The following EMSY variants were observed in gnomAD, a reference collection of about 807,000 sequenced individuals.
EMSY encodes BRCA2-interacting transcriptional repressor EMSY.
Under a neutral mutation model 134.6 loss-of-function variants are expected in EMSY, and 26 were observed. The ratio of observed to expected loss-of-function variants is 0.19; its 90% CI spans 0.14 to 0.27. The LOEUF is 0.27. Among genes scored for constraint, EMSY ranks in the 10% least tolerant of loss-of-function variants. EMSY has a pLI of 1.00. For missense variants in EMSY, 1,305 were observed against 1,611.4 expected (o/e 0.81, Z 3.26); for synonymous variants, 579 against 577.8 (o/e 1.00, Z -0.03).
chr11:76,467,610 A>G (rs963677560), intron 7 of EMSY, among the ~76,000 whole-genome samples: 1 of 152,208 alleles, frequency 6.6e-6, no homozygotes, highest in African/African-American at 2.4e-5. Flanking sequence ...TATTTGTTGA[A>G]TGAGTAAATT....
At chr11:76,487,858 A>C (rs1949252833) in intron 8 of EMSY, among the ~76,000 whole-genome samples, 1 of 152,224 alleles carries the variant, frequency 6.6e-6, no homozygotes, top group Non-Finnish European at 1.5e-5. Flanking sequence ...GATCCCAAAG[A>C]TTTTGGATAA....
rs114773268 is a variant in EMSY, at chr11:76,534,560, A to T, written c.2195-1335A>T. Among the ~76,000 whole-genome samples, 1,150 of 152,238 alleles carry T rather than the reference A, an allele frequency of 7.6e-3. 17 individuals are homozygous for T. Among genetic ancestry groups the T allele is most frequent in the African/African-American group, 0.026 (1,081 of 41,542 alleles). ...TTCAGGAAGGCTGTTTTGTTGGAAG[A>T]GTTGTTCCCCTTGCCCCAACATTTT... On this transcript the variant is annotated intron_variant, in intron 14 of 20. Coordinates refer to ENST00000334736, the Ensembl canonical transcript of EMSY.
chr11:76,482,024 C>T (rs1186096174), intron 8 of EMSY, among the ~76,000 whole-genome samples: 2 of 152,192 alleles, frequency 1.3e-5, no homozygotes, highest in Non-Finnish European at 2.9e-5. Context: ...GCAGGTGCCC[C>T]TCTGGGACAA....
At chr11:76,501,435 A>G (rs998085543) in intron 9 of EMSY, among the ~76,000 whole-genome samples, 3 of 152,208 alleles carry the variant, frequency 2.0e-5, no homozygotes, top group African/African-American at 7.2e-5. Flanking sequence ...TATAGAAGTA[A>G]AAGAGGCTAT....
intron 4 of EMSY, 137 bp downstream of exon 4, chr11:76,453,525 C>T: frequency 2.8e-6 from 2 of 717,838 alleles, no homozygotes; most frequent in Non-Finnish European, 4.2e-6. Context: ...CTGATCATAG[C>T]AGTAAAAGTG....
At chr11:76,542,864 A>G (rs1951499396) in intron 18 of EMSY, among the ~76,000 whole-genome samples, 1 of 151,926 alleles carries the variant, frequency 6.6e-6, no homozygotes, top group South Asian at 2.1e-4. Context: ...AGAGGAAGAG[A>G]TGCAACAGAA....
At chr11:76,518,703 A>ATATATAT (rs57143914) in intron 11 of EMSY, among the ~76,000 whole-genome samples, 1,689 of 130,140 alleles carry the variant, frequency 0.013, 26 homozygotes, top group East Asian at 0.018. Flanking sequence ...ATATATATAT[A>ATATATAT]TTTTTTTTTT....
At position 76,530,263 on chromosome 11, in the gene EMSY, G is replaced by A. The variant is rs191861517; in HGVS notation, c.2194+1797G>A. 3.0e-3 allele frequency among the ~76,000 whole-genome samples: 449 copies of A among 149,922 alleles called. 1 individual carries two copies. Among genetic ancestry groups the A allele is most frequent in the Non-Finnish European group, 4.6e-3 (308 of 67,632 alleles). Reference sequence around the variant, plus strand: ...CAACCTCCGTCTCCTGGGTTCAAGCGATTCTCCTGCCTCAGCCTCCCGAGT... The same window carrying A: ...CAACCTCCGTCTCCTGGGTTCAAGCAATTCTCCTGCCTCAGCCTCCCGAGT... On this transcript the variant is annotated intron_variant, in intron 14 of 20. Transcript: ENST00000334736.
chr11:76,499,258 G>C (rs975526493), intron 9 of EMSY, among the ~76,000 whole-genome samples: 1 of 145,816 alleles, frequency 6.9e-6, no homozygotes, highest in South Asian at 2.2e-4. Context: ...ACTGCATCTG[G>C]CCAACCAATC....
exon 20 of EMSY, chr11:76,546,110 G>A: frequency 1.2e-6 from 2 of 1,614,150 alleles, no homozygotes; most frequent in Non-Finnish European, 1.7e-6. Flanking sequence ...GTGGTGGCAG[G>A]GATGGCGAAT....
At chr11:76,522,352 CTTTTTTTTTTTTTTTT>C (rs71040003) in intron 11 of EMSY, among the ~76,000 whole-genome samples, 25 of 44,244 alleles carry the variant, frequency 5.7e-4, no homozygotes, top group Non-Finnish European at 7.9e-4. Flanking sequence ...GTTTACTTTG[CTTTTTTTTTTTTTTTT>C]TTTTTTTTTT....
intron 8 of EMSY, among the ~76,000 whole-genome samples, chr11:76,474,208 A>G (rs1358251418): frequency 2.6e-5 from 4 of 152,088 alleles, no homozygotes; most frequent in Non-Finnish European, 4.4e-5. Flanking sequence ...CTCCCATATG[A>G]AAGACAAGAC....
chr11:76,478,909 T>C (rs1000882770), intron 8 of EMSY, among the ~76,000 whole-genome samples: 9 of 151,886 alleles, frequency 5.9e-5, no homozygotes, highest in Admixed American at 6.6e-5. Flanking sequence ...GTGAACATCT[T>C]TGTGAATTTA....
At chr11:76,503,195 G>A (rs750256813) in intron 9 of EMSY, among the ~76,000 whole-genome samples, 52 of 151,384 alleles carry the variant, frequency 3.4e-4, no homozygotes, top group Non-Finnish European at 7.1e-4. Context: ...CAGCTACTCG[G>A]GAGGCTGAGG....
chr11:76,510,717 C>T (rs1010218579), intron 9 of EMSY, among the ~76,000 whole-genome samples: 24 of 152,176 alleles, frequency 1.6e-4, no homozygotes, highest in African/African-American at 5.3e-4. Context: ...TTGCCCAGAA[C>T]TTAGCCTTAG....
intron 1 of EMSY, among the ~76,000 whole-genome samples, chr11:76,445,535 C>G (rs12293666): frequency 0.088 from 13,333 of 151,886 alleles, 1,319 homozygotes; most frequent in African/African-American, 0.24. Context: ...GCTGGCTGCT[C>G]TTGTTGTGGT....
At chr11:76,494,461 T>C (rs1028639638) in intron 8 of EMSY, among the ~76,000 whole-genome samples, 3 of 152,216 alleles carry the variant, frequency 2.0e-5, no homozygotes, top group African/African-American at 7.2e-5. Flanking sequence ...TTTATACTCA[T>C]TGAGTCATAA....
chr11:76,517,539 C>T (rs988679128), intron 11 of EMSY, among the ~76,000 whole-genome samples: 2 of 152,142 alleles, frequency 1.3e-5, no homozygotes, highest in Non-Finnish European at 2.9e-5. Flanking sequence ...TTTACTTATA[C>T]ATGAATTTAT....
chr11:76,446,620 A>G (rs538658925), intron 1 of EMSY, among the ~76,000 whole-genome samples: 1 of 152,228 alleles, frequency 6.6e-6, no homozygotes, highest in Admixed American at 6.5e-5. Flanking sequence ...CCTCTGTTTT[A>G]TAGATGTGTA....
Sources: allele counts gnomAD v4.1 joint callset (sites outside exome capture counted in the v4.1 genomes callset), GRCh38; gene constraint gnomAD v4.1.1; transcripts MANE v1.5; gene names NCBI Gene and HGNC (gene_info 2026-07-23, HGNC 2026-07-21).